Variants in UNC80 observed in about 807,000 individuals in gnomAD.
The protein encoded by UNC80 is protein unc-80 homolog.
In UNC80, 164 loss-of-function variants were observed where a neutral mutation model predicts 384.6. The observed-to-expected ratio is 0.43, with a 90% CI of 0.38 to 0.49. UNC80 has a LOEUF of 0.49. Among genes scored for constraint, UNC80 ranks in the 20% least tolerant of loss-of-function variants. The probability of loss-of-function intolerance (pLI) is 0.00; values close to 1 mark genes in which losing one functional copy is unlikely to be tolerated. For missense variants in UNC80, 3,330 were observed against 4,143.0 expected (o/e 0.80, Z 5.39); for synonymous variants, 1,486 against 1,527.8 (o/e 0.97, Z 0.64).
chr2:209,864,884 C>T (rs1421369386), intron 22 of UNC80, among the ~76,000 whole-genome samples: 3 of 152,218 alleles, frequency 2.0e-5, no homozygotes, highest in African/African-American at 7.2e-5. Flanking sequence ...CTTCTCCCAC[C>T]GGGAGTTCAG....
intron 16 of UNC80, among the ~76,000 whole-genome samples, chr2:209,833,276 CAAA>C (rs554565630): frequency 7.8e-4 from 76 of 97,278 alleles, no homozygotes; most frequent in Admixed American, 6.7e-4. Context: ...TTTCCTAAGG[CAAA>C]AAAAAAAAAA....
At chr2:209,967,711 G>C (rs2092777498) in intron 52 of UNC80, 74 bp downstream of exon 52, 4 of 1,453,722 alleles carry the variant, frequency 2.8e-6, no homozygotes, top group Non-Finnish European at 3.8e-6. Flanking sequence ...TAAGATGGTG[G>C]ATCATTCTGG....
intron 22 of UNC80, among the ~76,000 whole-genome samples, chr2:209,853,036 T>G: frequency 6.6e-6 from 1 of 152,158 alleles, no homozygotes; most frequent in East Asian, 1.9e-4. Context: ...GATATAGATA[T>G]AGATAGATAT....
chr2:209,827,880 T>C (rs1417528391), intron 14 of UNC80, among the ~76,000 whole-genome samples: 1 of 152,322 alleles, frequency 6.6e-6, no homozygotes, highest in African/African-American at 2.4e-5. Flanking sequence ...TGCCTCAGCG[T>C]ATCTTAGAGT....
In UNC80 at chr2:209,994,285, G is replaced by C. The variant is rs182780430; in HGVS notation, c.9708+21G>C. ...AGCAGGTGAGGGCACTAGAGAAACA[G>C]GCAAGGCTTGCTCCCTGTGTACTTA... On this transcript the variant is annotated intron_variant, in intron 64 of 64. Coordinates refer to ENST00000673920, the MANE Select transcript of UNC80 (RefSeq NM_001371986.1). The C allele has an allele frequency of 1.8e-3, 2,800 of 1,537,242 alleles. 8 individuals carry two copies. The highest frequency in any genetic ancestry group is 1.7e-3 in the Admixed American group (86 of 49,286).
chr2:209,813,577 C>T lies in UNC80; in HGVS notation c.939-3C>T. 1.3e-6 allele frequency: 2 copies of T among 1,550,146 alleles called. No individual in the cohort carries two copies. Among genetic ancestry groups the T allele is most frequent in the African/African-American group, 1.4e-5 (1 of 73,138 alleles). On this transcript the variant is annotated splice_region_variant and splice_polypyrimidine_tract_variant and intron_variant, in intron 7 of 64. Transcript: ENST00000673920. ...TAATTATCTTCTTTCTGCCATGGAA[C>T]AGGGCCTCTCTTGTGATACCTCCGT...
In UNC80 at chr2:209,982,207, A is replaced by G. The variant is rs1486719648; in HGVS notation, c.9147A>G (p.Val3049=). The G allele has an allele frequency of 1.9e-6, 3 of 1,551,460 alleles. No individual in the cohort carries two copies. The highest frequency in any genetic ancestry group is 8.7e-7 in the Non-Finnish European group (1 of 1,146,944). ...ACTCTATAAGCATGCCCAGCGTGGT[A>G]AGTGAACAAGAAGCTTACCTCCTGA... ...ENDSISMPSV[V]SEQEAYLLSA... is the part of the protein sequence containing the mutation. The change falls in exon 60 of 65, where the codon GTA becomes GTG. Residue 3049 remains valine (V), a synonymous_variant. Transcript: ENST00000673920.
At chr2:209,953,409 A>T (rs1209042142) in intron 47 of UNC80, among the ~76,000 whole-genome samples, 1 of 123,270 alleles carries the variant, frequency 8.1e-6, no homozygotes, top group South Asian at 2.8e-4. Context: ...ACAGAGCAAG[A>T]CTCTGTCAAA....
chr2:209,941,423 C>T lies in UNC80; in HGVS notation c.6849C>T (p.Thr2283=), dbSNP rs775034306. Residue 2283 remains threonine (T), a synonymous_variant, in exon 44 of 65, where the codon ACC becomes ACT. Coordinates refer to ENST00000673920, the MANE Select transcript of UNC80 (RefSeq NM_001371986.1). The stretch of plus-strand genomic sequence containing the variant: ...AGTATGCTGCCACCGTCATCAACAC[C>T]GCGGTGCACTTCAACCACCTCTTCT... ...LRQYAATVIN[T]AVHFNHLFSL... is the part of the protein sequence containing the mutation. 40 of 1,548,430 alleles carry T rather than the reference C, an allele frequency of 2.6e-5. No individual in the cohort carries two copies. The highest frequency in any genetic ancestry group is 2.1e-4 in the South Asian group (18 of 83,992).
chr2:209,890,978 T>C (rs2086271450), intron 26 of UNC80, among the ~76,000 whole-genome samples: 2 of 152,212 alleles, frequency 1.3e-5, no homozygotes, highest in Admixed American at 1.3e-4. Context: ...TCCATGTTTT[T>C]CCAATGAATT....
intron 64 of UNC80, among the ~76,000 whole-genome samples, chr2:209,994,679 T>C (rs1484463387): frequency 2.0e-5 from 3 of 152,158 alleles, no homozygotes; most frequent in Non-Finnish European, 4.4e-5. Flanking sequence ...GATTTCAGAT[T>C]TTTGGATTAA....
At chr2:209,840,310 G>C (rs2081642815) in intron 19 of UNC80, among the ~76,000 whole-genome samples, 1 of 152,176 alleles carries the variant, frequency 6.6e-6, no homozygotes, top group African/African-American at 2.4e-5. Flanking sequence ...CTGGATAGAT[G>C]ATGGTTTCCT....
At chr2:209,974,903 A>G (rs901398938) in intron 56 of UNC80, among the ~76,000 whole-genome samples, 4 of 152,244 alleles carry the variant, frequency 2.6e-5, no homozygotes, top group Non-Finnish European at 5.9e-5. Context: ...GAATTATGGT[A>G]GAGAAAGAGG....
intron 22 of UNC80, among the ~76,000 whole-genome samples, chr2:209,863,032 G>T (rs1417178888): frequency 2.0e-5 from 3 of 152,166 alleles, no homozygotes; most frequent in Non-Finnish European, 4.4e-5. Context: ...AGGCCCGGTG[G>T]TAATGAAATT....
chr2:209,958,670 T>A (rs781310115), intron 49 of UNC80, among the ~76,000 whole-genome samples: 11 of 152,178 alleles, frequency 7.2e-5, no homozygotes, highest in Non-Finnish European at 1.6e-4. Flanking sequence ...AATGAGGGCT[T>A]CTAAAGAAGA....
At chr2:209,798,592 T>C (rs987472020) in intron 7 of UNC80, among the ~76,000 whole-genome samples, 22 of 152,296 alleles carry the variant, frequency 1.4e-4, no homozygotes, top group African/African-American at 5.3e-4. Flanking sequence ...AGTCAGATAG[T>C]GTGATGCCTC....
intron 54 of UNC80, among the ~76,000 whole-genome samples, chr2:209,971,219 T>A (rs1443803964): frequency 3.3e-5 from 5 of 152,182 alleles, no homozygotes; most frequent in African/African-American, 1.2e-4. Flanking sequence ...ATTGAAAATG[T>A]GTGCAAAATA....
At chr2:209,896,905 G>A (rs575547821) in intron 28 of UNC80, among the ~76,000 whole-genome samples, 22 of 152,152 alleles carry the variant, frequency 1.4e-4, no homozygotes, top group Non-Finnish European at 3.2e-4. Flanking sequence ...CTCTGGGCAC[G>A]GGGTGGAGTC....
At chr2:209,836,979 G>A (rs2081374078) in intron 18 of UNC80, among the ~76,000 whole-genome samples, 1 of 152,146 alleles carries the variant, frequency 6.6e-6, no homozygotes, top group Non-Finnish European at 1.5e-5. Flanking sequence ...CACGTATCAT[G>A]CCATGCATTT....
Sources: gnomAD v4.1 joint callset for allele counts (sites outside exome capture counted in the v4.1 genomes callset) on GRCh38, gnomAD v4.1.1 for gene constraint, MANE v1.5 for transcripts, NCBI Gene and HGNC (gene_info 2026-07-23, HGNC 2026-07-21) for gene names.